Variants in PIP5K1C observed in about 807,000 individuals in gnomAD.
PIP5K1C encodes phosphatidylinositol 4-phosphate 5-kinase type-1 gamma.
In PIP5K1C, 45 loss-of-function variants were observed where a neutral mutation model predicts 80.1. The observed-to-expected ratio is 0.56, with a 90% CI of 0.44 to 0.72. The LOEUF (loss-of-function observed/expected upper bound fraction) is 0.72. Among genes scored for constraint, PIP5K1C ranks in the 30% least tolerant of loss-of-function variants. PIP5K1C has a pLI of 0.00. For synonymous variants in PIP5K1C, 498 were observed against 420.1 expected (o/e 1.19, Z -2.27); for missense variants, 753 against 954.6 (o/e 0.79, Z 2.78).
At chr19:3,686,006 C>T (rs904283089) in intron 1 of PIP5K1C, among the ~76,000 whole-genome samples, 4 of 151,834 alleles carry the variant, frequency 2.6e-5, no homozygotes, top group South Asian at 4.2e-4. Context: ...GGACTACAGG[C>T]GCCACCACAC....
At chr19:3,687,840 C>T (rs1203773019) in intron 1 of PIP5K1C, among the ~76,000 whole-genome samples, 1 of 151,974 alleles carries the variant, frequency 6.6e-6, no homozygotes, top group Non-Finnish European at 1.5e-5. Flanking sequence ...AGCAGGTGGG[C>T]GGGCAGGAGC....
rs577065858 is a variant in PIP5K1C at position 3,694,613 on chromosome 19, G to A, written c.94+5684C>T. On this transcript the variant is annotated intron_variant, in intron 1 of 17. Transcript: ENST00000335312. ...GGCTCGCCGCCCCACTCAGATGCCC[G>A]TGCCACCCGCTGTCCTCAGGTCCGA... Among the ~76,000 whole-genome samples the A allele has an allele frequency of 4.6e-5, 7 of 152,300 alleles. 1 individual carries two copies. The highest frequency in any genetic ancestry group is 4.2e-4 in the South Asian group (2 of 4,818).
Position 3,637,834 on chromosome 19 carries a change from G to A in PIP5K1C, c.1920+1050C>T. The A allele has an allele frequency of 6.5e-7, 1 of 1,535,348 alleles. No homozygotes were observed. Among genetic ancestry groups the A allele is most frequent in the Non-Finnish European group, 8.7e-7 (1 of 1,146,694 alleles). On this transcript the variant is annotated intron_variant, in intron 16 of 17. Transcript: ENST00000335312. This position sits in a 1 kb window ranked among gnomAD's most constrained non-coding sequence, Gnocchi z 7.0. ...CCACCTGGCAGGGCATCAGGACACA[G>A]ACACACAGCACGACATGGCCCCCAG...
intron 15 of PIP5K1C, 137 bp from the exon 16 acceptor site, chr19:3,639,153 C>T (rs1000671358): frequency 1.1e-5 from 11 of 964,422 alleles, no homozygotes; most frequent in Middle Eastern, 3.0e-4. Context: ...CCACAGGCCG[C>T]GCGCTCCTGC....
At chr19:3,654,934 C>A (rs1031933239) in intron 6 of PIP5K1C, among the ~76,000 whole-genome samples, 4 of 151,804 alleles carry the variant, frequency 2.6e-5, no homozygotes, top group Non-Finnish European at 4.4e-5. Context: ...ACGGTGAAAC[C>A]CCATCTCTAC....
intron 15 of PIP5K1C, 59 bp from the exon 16 acceptor site, chr19:3,639,075 C>T (rs2033842378): frequency 1.1e-5 from 18 of 1,587,454 alleles, no homozygotes; most frequent in Admixed American, 1.0e-4. Context: ...AGACTCCCCG[C>T]GCCCCCACTC....
chr19:3,681,587 A>G (rs1355228106), intron 1 of PIP5K1C, among the ~76,000 whole-genome samples: 2 of 151,978 alleles, frequency 1.3e-5, no homozygotes, highest in Non-Finnish European at 2.9e-5. Context: ...TCGTACACAC[A>G]TCCCCCCGCG....
chr19:3,655,423 A>T (rs948529728), intron 6 of PIP5K1C, among the ~76,000 whole-genome samples: 8 of 151,888 alleles, frequency 5.3e-5, no homozygotes, highest in Admixed American at 5.2e-4. Context: ...GTCTCAAAAC[A>T]TAAATAAATA....
chr19:3,637,752 A>G lies in PIP5K1C; in HGVS notation c.1920+1132T>C, dbSNP rs2033761802. The G allele has an allele frequency of 2.1e-6, 3 of 1,429,830 alleles. No individual in the cohort carries two copies. The South Asian group carries it at 3.7e-5, about 17-fold the overall frequency. 88.6% of individuals were successfully genotyped at this position (1,429,830 alleles called of 1,614,324 possible). ...TGGGGACAGCTGACTGCCAAGCAGA[A>G]GGTGGGGGGTGCCGGGGCAGGGGCA... On this transcript the variant is annotated intron_variant, in intron 16 of 17. Coordinates refer to ENST00000335312, the MANE Select transcript of PIP5K1C (RefSeq NM_012398.3). This position sits in a 1 kb window ranked among gnomAD's most constrained non-coding sequence, Gnocchi z 7.0.
intron 11 of PIP5K1C, 108 bp from the exon 12 acceptor site, chr19:3,644,359 C>T (rs2145410605): frequency 9.2e-7 from 1 of 1,088,256 alleles, no homozygotes; most frequent in Non-Finnish European, 1.3e-6. Flanking sequence ...CCCACCAGAC[C>T]CCTACCGGTC....
rs564745819 is a variant in PIP5K1C, at chr19:3,679,573, G to A, written c.95-12220C>T. 1.4e-4 allele frequency among the ~76,000 whole-genome samples: 22 copies of A among 152,312 alleles called. No homozygotes were observed. The South Asian group carries it at 4.1e-3, about 29-fold the overall frequency. The stretch of plus-strand genomic sequence containing the variant: ...CCCAGACCTACTCGCTACTCAGTAG[G>A]GGCGCAGCAGCACCGGTGAATGGAG... On this transcript the variant is annotated intron_variant, in intron 1 of 17. Transcript: ENST00000335312.
chr19:3,690,105 AC>A (rs1418438432), intron 1 of PIP5K1C, among the ~76,000 whole-genome samples: 3 of 145,020 alleles, frequency 2.1e-5, no homozygotes, highest in Admixed American at 1.3e-4. Context: ...AAGTCTGATT[AC>A]TTTTTTTTTT....
intron 6 of PIP5K1C, among the ~76,000 whole-genome samples, chr19:3,653,851 A>T (rs961109961): frequency 1.2e-4 from 19 of 152,208 alleles, no homozygotes; most frequent in African/African-American, 4.3e-4. Context: ...CTTCTGTTCC[A>T]GCAGAAGCTT....
intron 14 of PIP5K1C, 146 bp from the exon 15 acceptor site, chr19:3,641,955 A>T (rs2033980254): frequency 4.2e-6 from 3 of 710,648 alleles, no homozygotes; most frequent in Non-Finnish European, 7.5e-6. Context: ...TGTCACTCCC[A>T]GCCCGGGGAC....
intron 1 of PIP5K1C, among the ~76,000 whole-genome samples, chr19:3,693,146 C>T (rs991062206): frequency 6.6e-6 from 1 of 152,164 alleles, no homozygotes; most frequent in African/African-American, 2.4e-5. Context: ...CCCAGGCTCC[C>T]AGCACCCGGC....
intron 8 of PIP5K1C, among the ~76,000 whole-genome samples, chr19:3,650,283 C>T (rs1046700930): frequency 2.0e-5 from 3 of 152,256 alleles, no homozygotes; most frequent in Non-Finnish European, 4.4e-5. Flanking sequence ...ACCTAGGAGC[C>T]TATTTCCTCA....
At chr19:3,699,625 T>C (rs1276267713) in intron 1 of PIP5K1C, among the ~76,000 whole-genome samples, 1 of 151,986 alleles carries the variant, frequency 6.6e-6, no homozygotes, top group East Asian at 1.9e-4. Context: ...CTGCACACCG[T>C]CCCCACAGAA....
At position 3,637,240 on chromosome 19, in the gene PIP5K1C, G is replaced by A. The variant is rs1374458537; in HGVS notation, c.1920+1644C>T. On this transcript the variant is annotated intron_variant, in intron 16 of 17. Transcript: ENST00000335312. This position sits in a 1 kb window ranked among gnomAD's most constrained non-coding sequence, Gnocchi z 7.0. ...TCCAGGGGCAGAGAGGGGCTCGCTG[G>A]GGTCTGGCCGGGGTCCGAAGCAGAC... The A allele has an allele frequency of 6.9e-7, 1 of 1,443,182 alleles. No individual in the cohort carries two copies. The highest frequency in any genetic ancestry group is 1.4e-5 in the African/African-American group (1 of 69,968). The allele number at this position is 1,443,182 out of a possible 1,614,324, so 89.4% of individuals were successfully genotyped here. A position where few individuals can be genotyped will look rare whatever the true frequency, so the allele number is the denominator to read the frequency against.
chr19:3,653,929 G>A (rs1430412566), intron 6 of PIP5K1C, among the ~76,000 whole-genome samples: 4 of 152,220 alleles, frequency 2.6e-5, no homozygotes, highest in African/African-American at 7.2e-5. Flanking sequence ...CTGGAGGCCG[G>A]AAACGCAATG....
Sources: gnomAD v4.1 joint callset for allele counts (sites outside exome capture counted in the v4.1 genomes callset) on GRCh38, gnomAD v4.1.1 for gene constraint, Gnocchi (gnomAD v3.1) non-coding constraint, MANE v1.5 for transcripts, NCBI Gene and HGNC (gene_info 2026-07-23, HGNC 2026-07-21) for gene names.